MAGI3: variants seen among roughly 807,000 people sequenced by gnomAD.
MAGI3 encodes the protein membrane associated guanylate kinase, WW and PDZ domain containing 3, also known as membrane-associated guanylate kinase, WW and PDZ domain-containing protein 3.
A neutral mutation model predicts 121.8 loss-of-function variants in MAGI3; 43 were observed. The observed-to-expected ratio is 0.35, with a 90% CI of 0.28 to 0.46. The LOEUF (loss-of-function observed/expected upper bound fraction) is 0.46, where lower values mean the gene tolerates loss of function less well. MAGI3 is among the 20% of genes least tolerant of loss of function. MAGI3 has a pLI of 1.00. For synonymous variants in MAGI3, 553 were observed against 639.3 expected (o/e 0.86, Z 2.04); for missense variants, 1,547 against 1,797.3 (o/e 0.86, Z 2.52).
intron 17 of MAGI3, among the ~76,000 whole-genome samples, chr1:113,672,218 T>G (rs1409814458): frequency 1.3e-5 from 2 of 152,240 alleles, no homozygotes; most frequent in Non-Finnish European, 2.9e-5. Context: ...TTGTGTGTAT[T>G]TCTGTCTTCT....
chr1:113,508,666 T>A (rs916899780), intron 1 of MAGI3, among the ~76,000 whole-genome samples: 2 of 152,220 alleles, frequency 1.3e-5, no homozygotes, highest in African/African-American at 4.8e-5. Context: ...AATAAACTTC[T>A]AGTGCTATTC....
chr1:113,609,955 T>G (rs574168310), intron 6 of MAGI3, among the ~76,000 whole-genome samples: 1 of 152,266 alleles, frequency 6.6e-6, no homozygotes, highest in South Asian at 2.1e-4. Context: ...CAAGCAAATT[T>G]TTGTTTTAAG....
At position 113,580,582 on chromosome 1, in the gene MAGI3, G is replaced by A. The variant is rs765794106; in HGVS notation, c.474G>A (p.Val158=). ...RAPRDGEVPG[V]DYNFISVEQF... is the part of the protein sequence containing the mutation. Reference sequence around the variant, plus strand: ...CCAGGGATGGAGAAGTACCAGGAGTGGATTATAATTTCATTTCCGTTGAAC... The same window carrying A: ...CCAGGGATGGAGAAGTACCAGGAGTAGATTATAATTTCATTTCCGTTGAAC... The change falls in exon 3 of 21, where the codon GTG becomes GTA. Residue 158 remains valine (V), a synonymous_variant. Transcript: ENST00000307546. 7 of 1,611,540 alleles carry A rather than the reference G, an allele frequency of 4.3e-6. No individual in the cohort carries two copies. In the South Asian group the frequency reaches 6.6e-5, roughly 15 times the overall value.
chr1:113,583,530 A>G (rs1361752093), intron 3 of MAGI3, among the ~76,000 whole-genome samples: 1 of 152,138 alleles, frequency 6.6e-6, no homozygotes, highest in Non-Finnish European at 1.5e-5. Context: ...TTCTAGTAGT[A>G]CTACTACCTT....
intron 1 of MAGI3, among the ~76,000 whole-genome samples, chr1:113,407,572 CT>C (rs60748388): frequency 0.17 from 24,855 of 146,812 alleles, 2,782 homozygotes; most frequent in East Asian, 0.62. Flanking sequence ...ATCAATCTGT[CT>C]TTTTTTTTTT....
At chr1:113,641,093 A>ATAT (rs1652490817) in intron 9 of MAGI3, among the ~76,000 whole-genome samples, 1 of 61,746 alleles carries the variant, frequency 1.6e-5, no homozygotes, top group Non-Finnish European at 3.1e-5. Flanking sequence ...GATATATATT[A>ATAT]TATATATGAT....
At chr1:113,472,663 T>G (rs1289444665) in intron 1 of MAGI3, among the ~76,000 whole-genome samples, 1 of 149,910 alleles carries the variant, frequency 6.7e-6, no homozygotes, top group African/African-American at 2.4e-5. Context: ...CTACTACAGG[T>G]GTGTGTGTGT....
Position 113,683,064 on chromosome 1 carries a change from A to G in MAGI3, c.3496A>G (p.Ile1166Val), listed in dbSNP as rs753801906. The G allele has an allele frequency of 5.6e-6, 9 of 1,613,360 alleles. No individual in the cohort carries two copies. The highest frequency in any genetic ancestry group is 2.7e-5 in the African/African-American group (2 of 74,884). ...ICEKAEELKD[I>V]VPEKKSTLNE... is the part of the protein sequence containing the mutation. ...TGAAAAGGCAGAAGAATTAAAGGAC[A>G]TTGTGCCTGAAAAGAAAAGCACTTT... Residue 1166 changes from isoleucine to valine, a missense_variant, in exon 21 of 21, where the codon ATT (isoleucine) becomes GTT (valine). Transcript: ENST00000307546.
chr1:113,595,684 C>A (rs896571188), intron 6 of MAGI3, among the ~76,000 whole-genome samples: 4 of 152,176 alleles, frequency 2.6e-5, no homozygotes, highest in African/African-American at 9.6e-5. Flanking sequence ...ATCTTCTGAA[C>A]AATGTGCAAG....
At chr1:113,511,605 A>C (rs1032047739) in intron 1 of MAGI3, among the ~76,000 whole-genome samples, 1 of 152,226 alleles carries the variant, frequency 6.6e-6, no homozygotes, top group Non-Finnish European at 1.5e-5. Context: ...TGGACCTCAC[A>C]ATCTAAGCTA....
intron 1 of MAGI3, among the ~76,000 whole-genome samples, chr1:113,510,924 T>TA (rs1347775770): frequency 1.3e-5 from 2 of 152,192 alleles, no homozygotes; most frequent in Non-Finnish European, 2.9e-5. Flanking sequence ...TCTGCATCCT[T>TA]ATAACACTGT....
intron 19 of MAGI3, among the ~76,000 whole-genome samples, chr1:113,677,980 A>C (rs947882049): frequency 6.6e-6 from 1 of 152,134 alleles, no homozygotes; most frequent in Non-Finnish European, 1.5e-5. Context: ...GTCTCTGCAG[A>C]ATTTCTCCCA....
Position 113,549,509 on chromosome 1 carries a change from C to A in MAGI3, c.317-6C>A. The A allele has an allele frequency of 1.4e-6, 2 of 1,412,284 alleles. No individual in the cohort carries two copies. Among genetic ancestry groups the A allele is most frequent in the Non-Finnish European group, 1.9e-6 (2 of 1,033,734 alleles). 87.5% of individuals were successfully genotyped at this position (1,412,284 alleles called of 1,614,324 possible). A position where few individuals can be genotyped will look rare whatever the true frequency, so the allele number is the denominator to read the frequency against. On this transcript the variant is annotated splice_polypyrimidine_tract_variant and splice_region_variant and intron_variant, in intron 1 of 20. Transcript: ENST00000307546. The stretch of plus-strand genomic sequence containing the variant: ...TTTCTGTTTTTTTTTTTTGTCTTTG[C>A]TCCAGGCAAAGTCATTAATAAAGAT...
rs114111666 is a variant in MAGI3, at chr1:113,569,680, C to T, written c.434-10862C>T. The stretch of plus-strand genomic sequence containing the variant: ...AATGGATCACAGTACTTCATCAATA[C>T]TAAGACAGTTATTTCACATTTTAAC... On this transcript the variant is annotated intron_variant, in intron 2 of 20. Coordinates refer to ENST00000307546, the MANE Select transcript of MAGI3 (RefSeq NM_001142782.2). 4.5e-3 allele frequency among the ~76,000 whole-genome samples: 681 copies of T among 152,182 alleles called. 7 individuals are homozygous for T. The highest frequency in any genetic ancestry group is 0.015 in the African/African-American group (640 of 41,532).
At chr1:113,478,682 C>T (rs901699413) in intron 1 of MAGI3, among the ~76,000 whole-genome samples, 2 of 152,186 alleles carry the variant, frequency 1.3e-5, no homozygotes, top group African/African-American at 2.4e-5. Context: ...GAGGTGTCTC[C>T]CAGTTAGGCT....
chr1:113,570,603 G>A (rs74683376), intron 2 of MAGI3, among the ~76,000 whole-genome samples: 45,366 of 151,900 alleles, frequency 0.3, 7,449 homozygotes, highest in East Asian at 0.65. Flanking sequence ...GTGAGATGGT[G>A]TCTTGTTGTG....
chr1:113,660,153 C>T (rs1249845335), intron 16 of MAGI3, among the ~76,000 whole-genome samples: 1 of 152,116 alleles, frequency 6.6e-6, no homozygotes. Context: ...TAAATCTGTT[C>T]AAGATGCTAT....
chr1:113,533,628 G>GC (rs1263285486), intron 1 of MAGI3, among the ~76,000 whole-genome samples: 1 of 151,998 alleles, frequency 6.6e-6, no homozygotes, highest in Non-Finnish European at 1.5e-5. Context: ...ATGAAATTTA[G>GC]CTATATATCT....
intron 1 of MAGI3, among the ~76,000 whole-genome samples, chr1:113,435,384 TTC>T (rs1350578236): frequency 6.6e-6 from 1 of 152,184 alleles, no homozygotes; most frequent in East Asian, 1.9e-4. Context: ...AATACCTACT[TTC>T]TCTTTTCCTT....
Sources: allele counts gnomAD v4.1 joint callset (sites outside exome capture counted in the v4.1 genomes callset), GRCh38; gene constraint gnomAD v4.1.1; transcripts MANE v1.5; gene names NCBI Gene and HGNC (gene_info 2026-07-23, HGNC 2026-07-21).